Variants in PCDHA11 observed in about 807,000 individuals in gnomAD.
The protein encoded by PCDHA11 is protocadherin alpha-11.
A neutral mutation model predicts 70.3 loss-of-function variants in PCDHA11; 61 were observed. The observed-to-expected ratio is 0.87, with a 90% CI of 0.71 to 1.07. The LOEUF (loss-of-function observed/expected upper bound fraction) is 1.07. Ranked by LOEUF, PCDHA11 falls within the 50% of genes least tolerant of loss-of-function variation. The pLI, the probability that PCDHA11 is intolerant of heterozygous loss-of-function variation, is 0.00. For synonymous variants in PCDHA11, 633 were observed against 555.1 expected, an observed-to-expected ratio of 1.14 and a Z score of -1.97; for missense variants, 1,324 against 1,237.5, an observed-to-expected ratio of 1.07 and a Z score of -1.05.
At chr5:140,925,556 T>C (rs1421287870) in intron 1 of PCDHA11, among the ~76,000 whole-genome samples, 2 of 151,752 alleles carry the variant, frequency 1.3e-5, no homozygotes, top group African/African-American at 4.8e-5. Flanking sequence ...AAATGACAAG[T>C]TAATGGGTGC....
intron 1 of PCDHA11, chr5:140,883,163 A>C: frequency 6.2e-7 from 1 of 1,614,068 alleles, no homozygotes; most frequent in South Asian, 1.1e-5. Context: ...AAATCCGAAC[A>C]ATGGAGAAAT....
chr5:140,938,944 A>G (rs551824557), intron 1 of PCDHA11, among the ~76,000 whole-genome samples: 2 of 152,236 alleles, frequency 1.3e-5, no homozygotes, highest in South Asian at 2.1e-4. Context: ...TTCCATTCTT[A>G]TAATGCTCTA....
At chr5:140,917,637 A>T (rs1257346290) in intron 1 of PCDHA11, among the ~76,000 whole-genome samples, 1 of 152,192 alleles carries the variant, frequency 6.6e-6, no homozygotes, top group Non-Finnish European at 1.5e-5. Context: ...TTAGCTAGTT[A>T]TCCCAGCAAT....
chr5:140,971,488 A>C (rs17119328), intron 1 of PCDHA11, among the ~76,000 whole-genome samples: 9,487 of 152,206 alleles, frequency 0.062, 310 homozygotes, highest in African/African-American at 0.074. Flanking sequence ...ACATTGTTAC[A>C]GTGTGGCAAG....
rs376660293 is a variant in PCDHA11 at position 141,011,766 on chromosome 5, A to C, written c.*1829A>C. ...ACCAATCTGACCTCTTTGAAGTTGCAGAATGCTTTGAAATTCTAATGGTAT... is the reference window on the plus strand; with the variant it reads ...ACCAATCTGACCTCTTTGAAGTTGCCGAATGCTTTGAAATTCTAATGGTAT... On this transcript the variant is annotated 3_prime_UTR_variant, in exon 4 of 4. Transcript: ENST00000398640. 2.6e-5 allele frequency: 4 copies of C among 153,796 alleles called. No homozygotes were observed. Among genetic ancestry groups the C allele is most frequent in the Non-Finnish European group, 5.9e-5 (4 of 68,044 alleles). 9.5% of individuals were successfully genotyped at this position (153,796 alleles called of 1,614,324 possible).
At chr5:140,937,568 G>T (rs1342447969) in intron 1 of PCDHA11, among the ~76,000 whole-genome samples, 1 of 151,920 alleles carries the variant, frequency 6.6e-6, no homozygotes, top group East Asian at 1.9e-4. Context: ...AGTGAGCTGG[G>T]ATCGCGTCAC....
At position 140,900,403 on chromosome 5, in the gene PCDHA11, A is replaced by G. The variant is rs569079456; in HGVS notation, c.2391+28909A>G. ...AGCGATTCTCCTGCCTCAGCCTCCC[A>G]AGTAGCTGGGATTATAGGCACGTGC... On this transcript the variant is annotated intron_variant, in intron 1 of 3. Coordinates refer to ENST00000398640, the MANE Select transcript of PCDHA11 (RefSeq NM_018902.5). 2.4e-3 allele frequency among the ~76,000 whole-genome samples: 360 copies of G among 152,066 alleles called. 1 individual carries two copies. Among genetic ancestry groups the G allele is most frequent in the African/African-American group, 8.1e-3 (336 of 41,500 alleles).
Position 140,871,328 on chromosome 5 carries a change from G to A in PCDHA11, c.2225G>A (p.Arg742His), listed in dbSNP as rs374687707. 1 of 1,614,128 alleles carries A rather than the reference G, an allele frequency of 6.2e-7. No homozygotes were observed. Among genetic ancestry groups the A allele is most frequent in the Admixed American group, 1.7e-5 (1 of 60,022 alleles). Residue 742 changes from arginine to histidine, a missense_variant, in exon 1 of 4, where the codon CGC (arginine) becomes CAC (histidine). Physicochemically the swap from Arg to His is conservative, Grantham distance 29. Coordinates refer to ENST00000398640, the MANE Select transcript of PCDHA11 (RefSeq NM_018902.5). ...APGKPTLVCS[R>H]AVGSWSYSQQ... ...GGGAAGCCCACGCTGGTGTGCTCCC[G>A]CGCGGTGGGGAGCTGGTCATACTCG...
chr5:140,966,520 C>T, intron 1 of PCDHA11: 1 of 437,694 alleles, frequency 2.3e-6, no homozygotes, highest in East Asian at 3.5e-5. Context: ...CAGCAGGAAG[C>T]CGAGCCGGGT....
intron 1 of PCDHA11, among the ~76,000 whole-genome samples, chr5:140,901,988 T>C (rs892830479): frequency 6.6e-6 from 1 of 152,164 alleles, no homozygotes; most frequent in Admixed American, 6.6e-5. Context: ...TTTAATTTCA[T>C]TTTCAGATTG....
intron 1 of PCDHA11, among the ~76,000 whole-genome samples, chr5:140,925,297 A>G (rs572435227): frequency 6.6e-6 from 1 of 152,246 alleles, no homozygotes; most frequent in Non-Finnish European, 1.5e-5. Context: ...ATGTTTCATT[A>G]TTGGGGCTTT....
chr5:140,872,452 T>G (rs1459875737), intron 1 of PCDHA11, among the ~76,000 whole-genome samples: 1 of 151,968 alleles, frequency 6.6e-6, no homozygotes, highest in East Asian at 1.9e-4. Context: ...CATAGCGAGA[T>G]CCTGTCTCTA....
rs78042832 is a variant in PCDHA11, at chr5:140,978,370, A to G, written c.2392-579A>G. Among the ~76,000 whole-genome samples, 198 of 152,318 alleles carry G rather than the reference A, an allele frequency of 1.3e-3. 1 individual carries two copies. The East Asian group carries it at 0.027, about 21-fold the overall frequency. On this transcript the variant is annotated intron_variant, in intron 1 of 3. Transcript: ENST00000398640. ...TAGCAAAACAAGGTCAAACTCTGCA[A>G]TAGTTTGTTTTCCTCTCCCTAGTAT...
At chr5:140,968,846 C>T (rs1554231159) in intron 1 of PCDHA11, 1 of 1,614,186 alleles carries the variant, frequency 6.2e-7, no homozygotes. Context: ...CACTCAGAGG[C>T]ATGTTAAGAG....
intron 3 of PCDHA11, among the ~76,000 whole-genome samples, chr5:140,995,110 C>T (rs1047046754): frequency 4.6e-5 from 7 of 152,198 alleles, no homozygotes; most frequent in Non-Finnish European, 7.3e-5. Flanking sequence ...TTCCAAGACC[C>T]TCAGTGGATG....
At chr5:140,904,107 T>A (rs1214453471) in intron 1 of PCDHA11, among the ~76,000 whole-genome samples, 3 of 152,216 alleles carry the variant, frequency 2.0e-5, no homozygotes, top group Non-Finnish European at 4.4e-5. Context: ...TAGTGGTCAT[T>A]GCTGAGATTT....
At chr5:140,985,491 G>C (rs1288786153) in intron 3 of PCDHA11, among the ~76,000 whole-genome samples, 3 of 152,166 alleles carry the variant, frequency 2.0e-5, no homozygotes, top group African/African-American at 7.2e-5. Flanking sequence ...GACTCAAATA[G>C]AGCCTGCCTT....
At chr5:140,972,660 A>ATTTTTTTT (rs11350929) in intron 1 of PCDHA11, among the ~76,000 whole-genome samples, 1 of 117,268 alleles carries the variant, frequency 8.5e-6, no homozygotes, top group Non-Finnish European at 1.7e-5. Context: ...AAGAAACCAA[A>ATTTTTTTT]TTTTTTTTTT....
At chr5:140,882,899 T>C (rs956861597) in intron 1 of PCDHA11, 1 of 1,614,228 alleles carries the variant, frequency 6.2e-7, no homozygotes. Context: ...ACATAGTTTA[T>C]TACTGACAGC....
Sources: allele counts gnomAD v4.1 joint callset (sites outside exome capture counted in the v4.1 genomes callset), GRCh38; gene constraint gnomAD v4.1.1; transcripts MANE v1.5; gene names NCBI Gene and HGNC (gene_info 2026-07-23, HGNC 2026-07-21).